Variants in RNF157 observed in about 807,000 individuals in gnomAD.
RNF157 encodes the protein E3 ubiquitin ligase RNF157.
In RNF157, 55 loss-of-function variants were observed where a neutral mutation model predicts 88.3. The observed-to-expected ratio is 0.62, with a 90% CI of 0.50 to 0.78. RNF157 has a LOEUF of 0.78. RNF157 is among the 30% of genes least tolerant of loss of function. RNF157 has a pLI of 0.00. For synonymous variants in RNF157, 334 were observed against 341.2 expected (o/e 0.98, Z 0.23); for missense variants, 788 against 860.8 (o/e 0.92, Z 1.06).
chr17:76,228,679 T>C (rs535439160), intron 1 of RNF157, among the ~76,000 whole-genome samples: 1 of 152,148 alleles, frequency 6.6e-6, no homozygotes, highest in Non-Finnish European at 1.5e-5. Flanking sequence ...TCCCAGCACT[T>C]TGGGAGGCTG....
chr17:76,182,478 T>TGG (rs2069205879), intron 2 of RNF157, among the ~76,000 whole-genome samples: 1 of 151,556 alleles, frequency 6.6e-6, no homozygotes, highest in Admixed American at 6.6e-5. Context: ...TGTGTGTGTG[T>TGG]GTGTATCAAT....
chr17:76,147,327 C>A (rs2068600136), intron 18 of RNF157: 11 of 986,116 alleles, frequency 1.1e-5, no homozygotes, highest in Non-Finnish European at 1.2e-5. Flanking sequence ...GTAGGAAAGA[C>A]CAAAAGCAAA....
chr17:76,212,997 AAACGTAG>A (rs1398004432), intron 1 of RNF157, among the ~76,000 whole-genome samples: 1 of 152,228 alleles, frequency 6.6e-6, no homozygotes, highest in African/African-American at 2.4e-5. Flanking sequence ...CCCAGATACC[AAACGTAG>A]ACTAGATCAC....
Position 76,152,401 on chromosome 17 carries a change from G to A in RNF157, c.1875C>T (p.Ser625=), listed in dbSNP as rs761580440. ...CDNNNDFDIA[S]VKALDNKLCS... Reference sequence around the variant, plus strand: ...ACAGCTTATTGTCCAGTGCTTTCACGCTTGCGATGTCAAAGTCATTGTTAT... The same window carrying A: ...ACAGCTTATTGTCCAGTGCTTTCACACTTGCGATGTCAAAGTCATTGTTAT... The change falls in exon 18 of 19, where the codon AGC becomes AGT. Residue 625 remains serine, a synonymous_variant. Transcript: ENST00000269391. The A allele has an allele frequency of 6.2e-6, 10 of 1,613,630 alleles. No individual in the cohort carries two copies. The highest frequency in any genetic ancestry group is 2.2e-5 in the East Asian group (1 of 44,884).
intron 1 of RNF157, chr17:76,226,766 C>G (rs1336066168): frequency 8.2e-6 from 13 of 1,579,284 alleles, no homozygotes; most frequent in Non-Finnish European, 9.5e-6. Flanking sequence ...CATCAAGTCC[C>G]CCACCAACAC....
chr17:76,169,519 GT>G (rs2068980438), intron 3 of RNF157, among the ~76,000 whole-genome samples: 2 of 150,604 alleles, frequency 1.3e-5, no homozygotes, highest in Non-Finnish European at 2.9e-5. Context: ...TGATCCTCCT[GT>G]TTTGGCCTCC....
At chr17:76,210,386 C>G (rs199728981) in intron 2 of RNF157, among the ~76,000 whole-genome samples, 23 of 151,116 alleles carry the variant, frequency 1.5e-4, no homozygotes, top group African/African-American at 2.7e-4. Flanking sequence ...GAGGTCAGAT[C>G]GAGACCATCC....
rs2144833000 is a variant in RNF157, at chr17:76,160,397, T to TAAGA, written c.1066-825_1066-824insTCTT. On this transcript the variant is annotated intron_variant, in intron 11 of 18. Coordinates refer to ENST00000269391, the MANE Select transcript of RNF157 (RefSeq NM_052916.3). The surrounding 1 kb of genome is among the most constrained non-coding windows in gnomAD (Gnocchi z 4.3). ...CTGTTTTTTTTTTCAGTGCCTTTTC[T>TAAGA]AGTTACACTCCTATAAGTAATACAG... is the stretch of plus-strand genomic sequence containing the variant. Among the ~76,000 whole-genome samples, 1 of 152,266 alleles carries TAAGA rather than the reference T, an allele frequency of 6.6e-6. No homozygotes were observed. The highest frequency in any genetic ancestry group is 1.5e-5 in the Non-Finnish European group (1 of 68,028).
chr17:76,182,993 G>C (rs1346368460), intron 2 of RNF157, among the ~76,000 whole-genome samples: 1 of 151,628 alleles, frequency 6.6e-6, no homozygotes, highest in Non-Finnish European at 1.5e-5. Flanking sequence ...GCAATGGCAC[G>C]ATCTTGGCTC....
At chr17:76,228,880 C>T (rs1057438020) in intron 1 of RNF157, among the ~76,000 whole-genome samples, 8 of 151,874 alleles carry the variant, frequency 5.3e-5, no homozygotes, top group Non-Finnish European at 8.8e-5. Context: ...GCTGAGACTG[C>T]GCCATTGGAC....
intron 2 of RNF157, among the ~76,000 whole-genome samples, chr17:76,194,942 G>A (rs1466191633): frequency 6.6e-6 from 1 of 152,160 alleles, no homozygotes; most frequent in South Asian, 2.1e-4. Context: ...GTGAACCCGG[G>A]AGGTGGAGTT....
At chr17:76,190,231 A>G (rs2069362167) in intron 2 of RNF157, among the ~76,000 whole-genome samples, 1 of 151,024 alleles carries the variant, frequency 6.6e-6, no homozygotes. Flanking sequence ...CAGTGGCACA[A>G]TTTCGCCTCA....
rs533548332 is a variant in RNF157 at position 76,143,286 on chromosome 17, G to A, written c.*1949C>T. The A allele has an allele frequency of 6.6e-6, 1 of 152,310 alleles. No homozygotes were observed. Among genetic ancestry groups the A allele is most frequent in the African/African-American group, 2.4e-5 (1 of 41,534 alleles). The allele number at this position is 152,310 out of a possible 1,614,324, so 9.4% of individuals were successfully genotyped here. On this transcript the variant is annotated 3_prime_UTR_variant, in exon 19 of 19. Coordinates refer to ENST00000269391, the MANE Select transcript of RNF157 (RefSeq NM_052916.3). ...CAGGGATCCTCAGGAAGGGGGTCCT[G>A]GCCACTGTGGCTACTGTTTACCTGA... is the stretch of plus-strand genomic sequence containing the variant.
chr17:76,146,912 T>G lies in RNF157; in HGVS notation c.1922-1559A>C, dbSNP rs2144783999. On this transcript the variant is annotated intron_variant, in intron 18 of 18. Coordinates refer to ENST00000269391, the MANE Select transcript of RNF157 (RefSeq NM_052916.3). The surrounding 1 kb of genome is among the most constrained non-coding windows in gnomAD (Gnocchi z 4.2). Reference sequence around the variant, plus strand: ...GGCCAGCCCAGGACATGAAACCCTTTAATGGCATGTAGAGTCAACAGGTAT... The same window carrying G: ...GGCCAGCCCAGGACATGAAACCCTTGAATGGCATGTAGAGTCAACAGGTAT... 3 of 985,426 alleles carry G rather than the reference T, an allele frequency of 3.0e-6. No individual in the cohort carries two copies. The highest frequency in any genetic ancestry group is 9.4e-5 in the South Asian group (2 of 21,284). The allele number at this position is 985,426 out of a possible 1,614,324, so 61.0% of individuals were successfully genotyped here.
chr17:76,199,462 C>G (rs1568057465), intron 2 of RNF157, among the ~76,000 whole-genome samples: 1 of 151,694 alleles, frequency 6.6e-6, no homozygotes, highest in Non-Finnish European at 1.5e-5. Flanking sequence ...CTATGTTGCC[C>G]AGGCTGGTCT....
intron 1 of RNF157, among the ~76,000 whole-genome samples, chr17:76,223,759 T>G (rs1280647182): frequency 6.6e-6 from 1 of 152,196 alleles, no homozygotes; most frequent in East Asian, 1.9e-4. Context: ...AAATATGGAA[T>G]ATAATGAAAC....
Position 76,145,232 on chromosome 17 carries a change from G to C in RNF157, c.*3C>G, listed in dbSNP as rs569698837. 2 of 1,591,830 alleles carry C rather than the reference G, an allele frequency of 1.3e-6. No homozygotes were observed. Among genetic ancestry groups the C allele is most frequent in the African/African-American group, 2.7e-5 (2 of 74,676 alleles). On this transcript the variant is annotated 3_prime_UTR_variant, in exon 19 of 19. Coordinates refer to ENST00000269391, the MANE Select transcript of RNF157 (RefSeq NM_052916.3). The stretch of plus-strand genomic sequence containing the variant: ...AGGGGAGCCCAAGTGCAGAGGCTGG[G>C]GCTCAGACAGCCAAAGGGCCCCACA...
intron 2 of RNF157, among the ~76,000 whole-genome samples, chr17:76,210,499 A>G (rs1482980300): frequency 7.0e-6 from 1 of 142,538 alleles, no homozygotes; most frequent in Non-Finnish European, 1.5e-5. Flanking sequence ...CTGAGGCAGG[A>G]GAATGGCGTG....
chr17:76,235,503 T>C (rs1313075432), intron 1 of RNF157, among the ~76,000 whole-genome samples: 1 of 152,162 alleles, frequency 6.6e-6, no homozygotes, highest in African/African-American at 2.4e-5. Flanking sequence ...CAGCCGTAAA[T>C]TGCATATTTT....
Sources: allele counts gnomAD v4.1 joint callset (sites outside exome capture counted in the v4.1 genomes callset), GRCh38; gene constraint gnomAD v4.1.1; non-coding constraint Gnocchi (gnomAD v3.1); transcripts MANE v1.5; gene names NCBI Gene and HGNC (gene_info 2026-07-23, HGNC 2026-07-21).